Variants in PLEKHA6 observed in about 807,000 individuals in gnomAD.
The protein encoded by PLEKHA6 is pleckstrin homology domain containing A6.
A neutral mutation model predicts 116.7 loss-of-function variants in PLEKHA6; 60 were observed. The observed-to-expected ratio is 0.51, with a 90% CI of 0.42 to 0.64. The LOEUF (loss-of-function observed/expected upper bound fraction) is 0.64. Ranked by LOEUF, PLEKHA6 falls within the 30% of genes least tolerant of loss-of-function variation. PLEKHA6 has a pLI of 0.00. For missense variants in PLEKHA6, 1,338 were observed against 1,422.7 expected (o/e 0.94, Z 0.96); for synonymous variants, 489 against 556.1 (o/e 0.88, Z 1.70).
intron 7 of PLEKHA6, among the ~76,000 whole-genome samples, chr1:204,260,730 G>A (rs1665997231): frequency 6.6e-6 from 1 of 152,206 alleles, no homozygotes; most frequent in African/African-American, 2.4e-5. Flanking sequence ...ATCCAGTTAA[G>A]GGAGAGACAG....
chr1:204,249,147 C>T, intron 11 of PLEKHA6, 37 bp downstream of exon 11: 1 of 1,561,932 alleles, frequency 6.4e-7, no homozygotes, highest in Non-Finnish European at 8.8e-7. Flanking sequence ...CAGCCTCGCC[C>T]ATCTGCCCCA....
chr1:204,363,068 C>A (rs1026754066), upstream of PLEKHA6, among the ~76,000 whole-genome samples: 2 of 152,252 alleles, frequency 1.3e-5, no homozygotes, highest in African/African-American at 4.8e-5. Flanking sequence ...TGTACCAGAA[C>A]TGCTGCCCCA....
At chr1:204,356,015 C>A (rs1673406374) in intron 1 of PLEKHA6, among the ~76,000 whole-genome samples, 1 of 151,648 alleles carries the variant, frequency 6.6e-6, no homozygotes, top group Non-Finnish European at 1.5e-5. Flanking sequence ...AAAATCCATT[C>A]TCAGACACAG....
At chr1:204,351,501 T>A (rs1003973287) in intron 1 of PLEKHA6, among the ~76,000 whole-genome samples, 1 of 152,306 alleles carries the variant, frequency 6.6e-6, no homozygotes, top group East Asian at 1.9e-4. Flanking sequence ...TCCACACATA[T>A]GCAACATGCG....
chr1:204,316,741 A>G (rs6697415), intron 1 of PLEKHA6, among the ~76,000 whole-genome samples: 1,586 of 152,334 alleles, frequency 0.01, 25 homozygotes, highest in African/African-American at 0.035. Flanking sequence ...ACAGGTATCA[A>G]ACTTACCTAT....
intron 9 of PLEKHA6, among the ~76,000 whole-genome samples, chr1:204,250,846 T>C (rs1664455609): frequency 6.6e-6 from 1 of 152,134 alleles, no homozygotes; most frequent in African/African-American, 2.4e-5. Flanking sequence ...AGATCAGAAC[T>C]CTGCTTGAGT....
chr1:204,353,606 TC>T (rs1673340289), intron 1 of PLEKHA6, among the ~76,000 whole-genome samples: 1 of 152,230 alleles, frequency 6.6e-6, no homozygotes, highest in Non-Finnish European at 1.5e-5. Context: ...TTTGATGTGA[TC>T]ATGGACTTTC....
At chr1:204,248,017 C>T (rs1663991624) in intron 12 of PLEKHA6, among the ~76,000 whole-genome samples, 1 of 151,836 alleles carries the variant, frequency 6.6e-6, no homozygotes, top group African/African-American at 2.4e-5. Flanking sequence ...ATTTATTATT[C>T]AGAGGTTAGA....
At chr1:204,376,869 G>C (rs1673879713) in intron 1 of PLEKHA6, among the ~76,000 whole-genome samples, 1 of 152,136 alleles carries the variant, frequency 6.6e-6, no homozygotes, top group Non-Finnish European at 1.5e-5. Flanking sequence ...TGTCTATCCT[G>C]GCAAAAGATG....
Position 204,314,576 on chromosome 1 carries a change from C to T in PLEKHA6, c.-94-39767G>A, listed in dbSNP as rs1671783613. ...GGGAATAGACAGACACCTGCTGCCT[C>T]TGTAGCTCCTGGCGGACCTCACTCT... On this transcript the variant is annotated intron_variant, in intron 1 of 22. Transcript: ENST00000272203. Among the ~76,000 whole-genome samples the T allele has an allele frequency of 1.3e-5, 2 of 152,222 alleles. 1 individual carries two copies. The highest frequency in any genetic ancestry group is 1.3e-4 in the Admixed American group (2 of 15,290).
chr1:204,345,268 C>T (rs1411815809), intron 1 of PLEKHA6, among the ~76,000 whole-genome samples: 2 of 152,082 alleles, frequency 1.3e-5, no homozygotes, highest in East Asian at 1.9e-4. Flanking sequence ...AAAAGTCCTT[C>T]CTGAGGTCTA....
At chr1:204,290,297 G>A (rs1232565467) in intron 1 of PLEKHA6, among the ~76,000 whole-genome samples, 1 of 152,248 alleles carries the variant, frequency 6.6e-6, no homozygotes, top group African/African-American at 2.4e-5. Context: ...TAAAGCTACA[G>A]TTATCAAGAC....
chr1:204,241,294 G>T, intron 17 of PLEKHA6, 81 bp downstream of exon 17: 1 of 843,068 alleles, frequency 1.2e-6, no homozygotes, highest in Non-Finnish European at 1.9e-6. Context: ...TTGAACAGCA[G>T]AGGGAGATGA....
intron 1 of PLEKHA6, among the ~76,000 whole-genome samples, chr1:204,353,284 G>C (rs1673334379): frequency 6.6e-6 from 1 of 152,226 alleles, no homozygotes; most frequent in African/African-American, 2.4e-5. Context: ...GCAAGGCTGA[G>C]GAGAACAGGG....
intron 9 of PLEKHA6, chr1:204,256,788 G>A: frequency 1.7e-6 from 1 of 602,650 alleles, no homozygotes; most frequent in Non-Finnish European, 3.0e-6. Context: ...AGGTGGAGGG[G>A]AGAAAGGACG....
At chr1:204,278,234 C>G (rs1668227139) in intron 1 of PLEKHA6, among the ~76,000 whole-genome samples, 1 of 152,246 alleles carries the variant, frequency 6.6e-6, no homozygotes, top group Non-Finnish European at 1.5e-5. Context: ...CAAGCCTGTT[C>G]TCCAATCAAT....
At chr1:204,343,456 G>T (rs75210418) in intron 1 of PLEKHA6, among the ~76,000 whole-genome samples, 7 of 152,246 alleles carry the variant, frequency 4.6e-5, no homozygotes, top group South Asian at 2.1e-4. Flanking sequence ...TATAACCGGG[G>T]TCACACAGCT....
At chr1:204,373,976 A>C (rs1329498227) in intron 1 of PLEKHA6, among the ~76,000 whole-genome samples, 3 of 151,842 alleles carry the variant, frequency 2.0e-5, no homozygotes, top group Admixed American at 1.3e-4. Flanking sequence ...CAGTGCCCTC[A>C]CCTCCATTAC....
chr1:204,332,475 C>T (rs1328464630), intron 1 of PLEKHA6, among the ~76,000 whole-genome samples: 1 of 152,126 alleles, frequency 6.6e-6, no homozygotes, highest in Non-Finnish European at 1.5e-5. Flanking sequence ...TCCCAGGTCC[C>T]GGTTCAAGCA....
Sources: gnomAD v4.1 joint callset for allele counts (sites outside exome capture counted in the v4.1 genomes callset) on GRCh38, gnomAD v4.1.1 for gene constraint, MANE v1.5 for transcripts, NCBI Gene and HGNC (gene_info 2026-07-23, HGNC 2026-07-21) for gene names.